Variants in SEMA3C observed in about 807,000 individuals in gnomAD.
SEMA3C encodes the protein semaphorin-3C.
Under a neutral mutation model 89.4 loss-of-function variants are expected in SEMA3C, and 47 were observed. The ratio of observed to expected loss-of-function variants is 0.53; its 90% confidence interval spans 0.42 to 0.67. SEMA3C has a LOEUF of 0.67. Among genes scored for constraint, SEMA3C ranks in the 30% least tolerant of loss-of-function variants. The pLI, the probability that SEMA3C is intolerant of heterozygous loss-of-function variation, is 0.00. For missense variants in SEMA3C, 839 were observed against 929.1 expected (o/e 0.90, Z 1.26); for synonymous variants, 310 against 320.2 (o/e 0.97, Z 0.34).
chr7:80,881,071 T>C (rs1487116347), intron 2 of SEMA3C, among the ~76,000 whole-genome samples: 1 of 152,032 alleles, frequency 6.6e-6, no homozygotes, highest in Non-Finnish European at 1.5e-5. Context: ...CTGAAGTTAA[T>C]TTAATTGCAA....
At chr7:80,768,358 CA>C (rs917146602) in intron 12 of SEMA3C, among the ~76,000 whole-genome samples, 1 of 151,868 alleles carries the variant, frequency 6.6e-6, no homozygotes, top group Non-Finnish European at 1.5e-5. Flanking sequence ...CTAAAAAATA[CA>C]AAAAATTAGC....
chr7:80,845,443 G>A (rs1790367397), intron 2 of SEMA3C, among the ~76,000 whole-genome samples: 1 of 151,926 alleles, frequency 6.6e-6, no homozygotes, highest in South Asian at 2.1e-4. Flanking sequence ...AGAATACAAG[G>A]CAGTATATGA....
At chr7:80,752,393 T>C (rs1787955766) in intron 15 of SEMA3C, among the ~76,000 whole-genome samples, 3 of 152,012 alleles carry the variant, frequency 2.0e-5, no homozygotes, top group African/African-American at 7.2e-5. Context: ...GGGCGGATCA[T>C]GAGGTCAGGA....
intron 6 of SEMA3C, among the ~76,000 whole-genome samples, chr7:80,808,775 C>T (rs963681781): frequency 6.6e-6 from 1 of 152,064 alleles, no homozygotes; most frequent in African/African-American, 2.4e-5. Context: ...GTTACTTGGT[C>T]AACACATGAC....
At chr7:80,838,245 C>T (rs1042690783) in intron 2 of SEMA3C, among the ~76,000 whole-genome samples, 5 of 152,020 alleles carry the variant, frequency 3.3e-5, no homozygotes, top group Admixed American at 6.6e-5. Flanking sequence ...GGGTTTACCC[C>T]AACACCACCC....
intron 15 of SEMA3C, among the ~76,000 whole-genome samples, chr7:80,755,229 T>C (rs534133987): frequency 6.8e-4 from 104 of 151,850 alleles, no homozygotes; most frequent in African/African-American, 2.2e-3. Context: ...AAAAGTATGA[T>C]TAAAATTATA....
At chr7:80,910,709 A>G (rs957177448) in intron 2 of SEMA3C, among the ~76,000 whole-genome samples, 4 of 129,926 alleles carry the variant, frequency 3.1e-5, no homozygotes, top group African/African-American at 1.2e-4. Flanking sequence ...ATAGTTCTTT[A>G]TTATAGCAAA....
intron 5 of SEMA3C, among the ~76,000 whole-genome samples, chr7:80,815,141 T>C (rs1789569135): frequency 6.6e-6 from 1 of 152,066 alleles, no homozygotes; most frequent in African/African-American, 2.4e-5. Flanking sequence ...TATTTCTGGA[T>C]TGAACAATGA....
intron 2 of SEMA3C, among the ~76,000 whole-genome samples, chr7:80,850,411 A>G (rs558705770): frequency 6.6e-6 from 1 of 152,320 alleles, no homozygotes; most frequent in South Asian, 2.1e-4. Context: ...AAATTATTGC[A>G]TTTTTCTTAC....
chr7:80,895,034 C>G (rs2116167012), intron 2 of SEMA3C, among the ~76,000 whole-genome samples: 1 of 152,282 alleles, frequency 6.6e-6, no homozygotes, highest in African/African-American at 2.4e-5. Flanking sequence ...GTCCCAGTCA[C>G]TAATGGCATC....
At chr7:80,750,432 GTACATATATATATATA>G (rs1787897774) in intron 16 of SEMA3C, among the ~76,000 whole-genome samples, 1 of 31,144 alleles carries the variant, frequency 3.2e-5, no homozygotes, top group Non-Finnish European at 5.7e-5. Context: ...ACATACATAC[GTACATATATATATATA>G]TATATATATA....
intron 2 of SEMA3C, among the ~76,000 whole-genome samples, chr7:80,839,651 T>C (rs755293622): frequency 1.2e-4 from 19 of 152,068 alleles, no homozygotes; most frequent in Middle Eastern, 3.4e-3. Flanking sequence ...ATAAGACTTG[T>C]AGGGATATAT....
intron 1 of SEMA3C, among the ~76,000 whole-genome samples, chr7:80,917,717 A>AG (rs1792311446): frequency 6.6e-6 from 1 of 152,254 alleles, no homozygotes; most frequent in Admixed American, 6.5e-5. Flanking sequence ...GGACCATTAA[A>AG]GAAACACAAT....
intron 14 of SEMA3C, among the ~76,000 whole-genome samples, chr7:80,761,077 A>G (rs1322793664): frequency 1.3e-5 from 2 of 152,086 alleles, no homozygotes; most frequent in African/African-American, 4.8e-5. Context: ...TTACAATCAA[A>G]TATTTCTTTT....
At chr7:80,795,199 C>G (rs1374002952) in intron 11 of SEMA3C, among the ~76,000 whole-genome samples, 1 of 152,118 alleles carries the variant, frequency 6.6e-6, no homozygotes, top group Admixed American at 6.5e-5. Context: ...CGATATTAAA[C>G]CCTGGAAGTG....
chr7:80,786,192 G>A (rs1788798081), intron 12 of SEMA3C, among the ~76,000 whole-genome samples: 1 of 152,148 alleles, frequency 6.6e-6, no homozygotes. Context: ...AATGACACAA[G>A]TGTTTAAATA....
At chr7:80,809,949 G>A (rs1037138432) in intron 6 of SEMA3C, among the ~76,000 whole-genome samples, 7 of 151,922 alleles carry the variant, frequency 4.6e-5, no homozygotes, top group Non-Finnish European at 8.8e-5. Flanking sequence ...ATTATCAGGG[G>A]CTGGAGGACA....
At chr7:80,910,449 G>A (rs1488908110) in intron 2 of SEMA3C, among the ~76,000 whole-genome samples, 1 of 152,166 alleles carries the variant, frequency 6.6e-6, no homozygotes, top group Non-Finnish European at 1.5e-5. Flanking sequence ...AATAGCACAT[G>A]GCTCAGCACT....
chr7:80,761,491 T>C, intron 14 of SEMA3C, 125 bp downstream of exon 14: 2 of 503,224 alleles, frequency 4.0e-6, no homozygotes, highest in South Asian at 2.6e-5. Flanking sequence ...CTTTGCGGTA[T>C]ACTTTAAGTA....
Sources: allele counts gnomAD v4.1 joint callset (sites outside exome capture counted in the v4.1 genomes callset), GRCh38; gene constraint gnomAD v4.1.1; transcripts MANE v1.5; gene names NCBI Gene and HGNC (gene_info 2026-07-23, HGNC 2026-07-21).